Variants in DLGAP1 observed in about 807,000 individuals in gnomAD.
DLGAP1 encodes DLG associated protein 1.
A neutral mutation model predicts 90.8 loss-of-function variants in DLGAP1; 11 were observed. The observed-to-expected ratio is 0.12, with a 90% confidence interval of 0.08 to 0.20. The LOEUF (loss-of-function observed/expected upper bound fraction) is 0.20, where lower values mean the gene tolerates loss of function less well. Among genes scored for constraint, DLGAP1 ranks in the 10% least tolerant of loss-of-function variants. The pLI is 1.00. For missense variants in DLGAP1, 1,050 were observed against 1,333.8 expected, an observed-to-expected ratio of 0.79 and a Z score of 3.31; for synonymous variants, 558 against 540.7, an observed-to-expected ratio of 1.03 and a Z score of -0.44.
intron 2 of DLGAP1, among the ~76,000 whole-genome samples, chr18:4,118,966 C>T (rs958101062): frequency 5.3e-5 from 8 of 152,062 alleles, no homozygotes; most frequent in Admixed American, 1.3e-4. Context: ...TTTCCCTTTG[C>T]GTTATAAATA....
Position 3,952,284 on chromosome 18 carries a change from G to A in DLGAP1, c.-73+52832C>T, listed in dbSNP as rs150015577. 9.6e-3 allele frequency among the ~76,000 whole-genome samples: 1,461 copies of A among 152,250 alleles called. 13 individuals are homozygous for A. Among genetic ancestry groups the A allele is most frequent in the Non-Finnish European group, 0.015 (1,015 of 68,006 alleles). On this transcript the variant is annotated intron_variant, in intron 3 of 12. Coordinates refer to ENST00000315677, the MANE Select transcript of DLGAP1 (RefSeq NM_004746.4). Reference sequence around the variant, plus strand: ...TAATGCCAGATGGGAAAATATCAAGGAAGTTCGCTTTAATCTCCTTAGCTC... The same window carrying A: ...TAATGCCAGATGGGAAAATATCAAGAAAGTTCGCTTTAATCTCCTTAGCTC...
chr18:4,063,946 T>A (rs188693649), intron 2 of DLGAP1, among the ~76,000 whole-genome samples: 3 of 152,066 alleles, frequency 2.0e-5, no homozygotes, highest in Non-Finnish European at 4.4e-5. Context: ...TTTTAGTGAA[T>A]CTTTAAGGGG....
Position 3,499,188 on chromosome 18 carries a change from G to A in DLGAP1, c.2931C>T (p.Leu977=). 1 of 1,577,042 alleles carries A rather than the reference G, an allele frequency of 6.3e-7. No homozygotes were observed. Among genetic ancestry groups the A allele is most frequent in the Non-Finnish European group, 8.6e-7 (1 of 1,167,134 alleles). ...EIYIPEAQTR[L] ...CGGCGGCCGGGCTGCGGGGCGCTCA[G>A]AGCCGGGTCTGCGCCTCGGGGATGT... Residue 977 remains leucine, a synonymous_variant, in exon 13 of 13, where the codon CTC becomes CTT. Coordinates refer to ENST00000315677, the MANE Select transcript of DLGAP1 (RefSeq NM_004746.4). This position sits in a 1 kb window ranked among gnomAD's most constrained non-coding sequence, Gnocchi z 6.4.
At chr18:3,570,045 T>C (rs747284379) in intron 8 of DLGAP1, among the ~76,000 whole-genome samples, 1 of 151,974 alleles carries the variant, frequency 6.6e-6, no homozygotes. Context: ...CATAGTCATA[T>C]GCTGTACAGG....
intron 11 of DLGAP1, among the ~76,000 whole-genome samples, chr18:3,508,049 T>G (rs1443408814): frequency 1.1e-4 from 16 of 152,228 alleles, no homozygotes; most frequent in Admixed American, 1.0e-3. Context: ...TTTTGCTTTG[T>G]TTTTGCATGT....
intron 2 of DLGAP1, among the ~76,000 whole-genome samples, chr18:4,113,039 C>A (rs1277691429): frequency 6.6e-6 from 1 of 151,756 alleles, no homozygotes; most frequent in East Asian, 1.9e-4. Context: ...GAGTCCATGT[C>A]TTCGCTATTG....
intron 7 of DLGAP1, among the ~76,000 whole-genome samples, chr18:3,667,323 C>T (rs1464863595): frequency 6.6e-6 from 1 of 152,162 alleles, no homozygotes; most frequent in Non-Finnish European, 1.5e-5. Context: ...GAACGATCCA[C>T]CTGCCTCGGC....
chr18:3,612,213 TCAGGAGGCCGAC>T (rs1341111648), intron 7 of DLGAP1, among the ~76,000 whole-genome samples: 1 of 152,104 alleles, frequency 6.6e-6, no homozygotes, highest in Non-Finnish European at 1.5e-5. Context: ...TAATGTAAGT[TCAGGAGGCCGAC>T]CTTGATTTAA....
At chr18:3,762,817 T>C (rs558992394) in intron 5 of DLGAP1, among the ~76,000 whole-genome samples, 40 of 152,324 alleles carry the variant, frequency 2.6e-4, no homozygotes, top group African/African-American at 9.1e-4. Flanking sequence ...TTCCAGGCTC[T>C]CCATAATCTT....
At chr18:4,321,138 T>C (rs529409692) in intron 1 of DLGAP1, among the ~76,000 whole-genome samples, 1 of 152,358 alleles carries the variant, frequency 6.6e-6, no homozygotes, top group South Asian at 2.1e-4. Flanking sequence ...TCATTTTCCA[T>C]ATGCAGACTG....
intron 3 of DLGAP1, among the ~76,000 whole-genome samples, chr18:3,887,048 G>A (rs774554169): frequency 6.6e-6 from 1 of 152,176 alleles, no homozygotes. Flanking sequence ...TTGTTTAGTC[G>A]AGAGAAAAAT....
intron 7 of DLGAP1, among the ~76,000 whole-genome samples, chr18:3,686,094 G>A (rs897727283): frequency 2.0e-5 from 3 of 152,058 alleles, no homozygotes; most frequent in Admixed American, 2.0e-4. Context: ...GGAGAATCAT[G>A]TGAACCCAGG....
At chr18:3,547,964 G>A (rs1229162509) in intron 9 of DLGAP1, among the ~76,000 whole-genome samples, 1 of 152,144 alleles carries the variant, frequency 6.6e-6, no homozygotes, top group African/African-American at 2.4e-5. Context: ...AACCTCAAAA[G>A]CATCACACTA....
intron 9 of DLGAP1, among the ~76,000 whole-genome samples, chr18:3,552,246 T>C (rs1285836022): frequency 6.6e-6 from 1 of 152,174 alleles, no homozygotes; most frequent in Admixed American, 6.5e-5. Context: ...AAAAATAACT[T>C]TTTAATTTTC....
intron 9 of DLGAP1, among the ~76,000 whole-genome samples, chr18:3,556,318 G>T (rs180815255): frequency 1.3e-5 from 2 of 151,974 alleles, no homozygotes; most frequent in Non-Finnish European, 2.9e-5. Flanking sequence ...CAAAGTCCAT[G>T]GTTTACAGTA....
At chr18:3,659,725 C>A (rs905810038) in intron 7 of DLGAP1, among the ~76,000 whole-genome samples, 1 of 152,044 alleles carries the variant, frequency 6.6e-6, no homozygotes, top group African/African-American at 2.4e-5. Flanking sequence ...CTGACCACAC[C>A]CAGCTAAGTT....
chr18:4,063,183 C>G (rs185757211), intron 2 of DLGAP1, among the ~76,000 whole-genome samples: 1 of 151,910 alleles, frequency 6.6e-6, no homozygotes, highest in Admixed American at 6.6e-5. Flanking sequence ...TAATGAGAGG[C>G]GATAAATGGC....
intron 1 of DLGAP1, among the ~76,000 whole-genome samples, chr18:4,368,910 T>A (rs555128367): frequency 6.6e-6 from 1 of 152,252 alleles, no homozygotes; most frequent in South Asian, 2.1e-4. Flanking sequence ...GAGCAAGCAA[T>A]ATTTCTCCCA....
chr18:4,171,136 T>C (rs183217586), intron 1 of DLGAP1, among the ~76,000 whole-genome samples: 6 of 152,336 alleles, frequency 3.9e-5, no homozygotes, highest in Admixed American at 2.0e-4. Context: ...TATTTGTCCA[T>C]ATATATCACT....
Sources: allele counts gnomAD v4.1 joint callset (sites outside exome capture counted in the v4.1 genomes callset), GRCh38; gene constraint gnomAD v4.1.1; non-coding constraint Gnocchi (gnomAD v3.1); transcripts MANE v1.5; gene names NCBI Gene and HGNC (gene_info 2026-07-23, HGNC 2026-07-21).